The following ATIC variants were observed in gnomAD, a reference collection of about 807,000 sequenced individuals.
ATIC encodes 5-aminoimidazole-4-carboxamide ribonucleotide formyltransferase/IMP cyclohydrolase.
ATIC carries 64 observed loss-of-function variants against 72.5 expected under a neutral mutation model. The observed-to-expected ratio is 0.88, with a 90% CI of 0.72 to 1.09. ATIC has a LOEUF of 1.09. Among genes scored for constraint, ATIC ranks in the 50% least tolerant of loss-of-function variants. ATIC has a pLI of 0.00. For synonymous variants in ATIC, 281 were observed against 267.1 expected (o/e 1.05, Z -0.51); for missense variants, 787 against 732.4 (o/e 1.07, Z -0.86).
chr2:215,335,994 T>C (rs993524730), intron 10 of ATIC, 41 bp from the exon 11 acceptor site: 6 of 1,491,280 alleles, frequency 4.0e-6, no homozygotes, highest in Non-Finnish European at 5.6e-6. Flanking sequence ...AGGTGTTCTC[T>C]GATTTTTAAA....
chr2:215,348,416 G>T (rs916850550), intron 14 of ATIC, among the ~76,000 whole-genome samples: 3 of 152,090 alleles, frequency 2.0e-5, no homozygotes, highest in African/African-American at 7.2e-5. Flanking sequence ...TAGTCTAATA[G>T]ACATAAAGTA....
chr2:215,361,856 GA>G, the ATIC span: 1 of 1,370,536 alleles, frequency 7.3e-7, no homozygotes, highest in Non-Finnish European at 1.0e-6. Flanking sequence ...AGTCATTTAT[GA>G]GTTGTTTTTT....
chr2:215,338,580 C>T (rs1302269170), intron 11 of ATIC, among the ~76,000 whole-genome samples, 199 bp from the exon 12 acceptor site: 1 of 151,990 alleles, frequency 6.6e-6, no homozygotes, highest in Non-Finnish European at 1.5e-5. Context: ...TGTATCATAC[C>T]AGAATGTTGA....
chr2:215,327,262 T>G (rs2106009225), intron 7 of ATIC, among the ~76,000 whole-genome samples: 1 of 152,272 alleles, frequency 6.6e-6, no homozygotes, highest in Admixed American at 6.5e-5. Flanking sequence ...CTGGATTTTA[T>G]AGAGAAGAGG....
chr2:215,348,695 G>A (rs955450232), intron 14 of ATIC: 1 of 419,098 alleles, frequency 2.4e-6, no homozygotes, highest in East Asian at 8.6e-5. Flanking sequence ...GGGCGCGGTG[G>A]CTCATGCCTA....
chr2:215,344,806 A>T lies in ATIC; in HGVS notation c.1255A>T (p.Ile419Phe), dbSNP rs775268262. 2 of 1,614,148 alleles carry T rather than the reference A, an allele frequency of 1.2e-6. No individual in the cohort carries two copies. Among genetic ancestry groups the T allele is most frequent in the Non-Finnish European group, 1.7e-6 (2 of 1,180,030 alleles). Residue 419 changes from isoleucine to phenylalanine, a missense_variant, in exon 13 of 16, where the codon ATC becomes TTC. By Grantham distance (21) the Ile-to-Phe change is conservative. Transcript: ENST00000236959. ...DLPESALRDL[I>F]VATIAVKYTQ... ...GCCAGAGTCTGCCCTCCGAGACCTCATCGTAGCCACCATTGCTGTCAAGTA... is the reference window on the plus strand; with the variant it reads ...GCCAGAGTCTGCCCTCCGAGACCTCTTCGTAGCCACCATTGCTGTCAAGTA...
chr2:215,334,684 A>G (rs1023156479), intron 9 of ATIC, among the ~76,000 whole-genome samples: 1 of 152,220 alleles, frequency 6.6e-6, no homozygotes, highest in African/African-American at 2.4e-5. Flanking sequence ...AATATAGTAT[A>G]TATAAATTGG....
the ATIC span, chr2:215,368,023 G>A: frequency 1.9e-5 from 30 of 1,614,104 alleles, no homozygotes; most frequent in African/African-American, 1.2e-4. Flanking sequence ...TCAAGCCTTC[G>A]TTGACTATGA....
chr2:215,313,172 G>C lies in ATIC; in HGVS notation c.146+548G>C, dbSNP rs185058831. Reference sequence around the variant, plus strand: ...AGGGAAAAGTAGGATTGGAACCCGTGCTGTTCCTGATTTTAGGACACTAGT... The same window carrying C: ...AGGGAAAAGTAGGATTGGAACCCGTCCTGTTCCTGATTTTAGGACACTAGT... On this transcript the variant is annotated intron_variant, in intron 2 of 15. Transcript: ENST00000236959. Among the ~76,000 whole-genome samples, 113 of 152,324 alleles carry C rather than the reference G, an allele frequency of 7.4e-4. 1 individual carries two copies. Among genetic ancestry groups the C allele is most frequent in the African/African-American group, 2.7e-3 (111 of 41,564 alleles).
the ATIC span, among the ~76,000 whole-genome samples, chr2:215,357,895 A>AT: frequency 6.8e-6 from 1 of 146,262 alleles, no homozygotes; most frequent in African/African-American, 2.5e-5. Flanking sequence ...TGAAAATGGG[A>AT]TTTTTTAATT....
chr2:215,318,843 G>A (rs1347391805), intron 3 of ATIC, among the ~76,000 whole-genome samples: 1 of 151,944 alleles, frequency 6.6e-6, no homozygotes, highest in East Asian at 1.9e-4. Flanking sequence ...TCAAGAAACT[G>A]GGATCAAGAA....
At chr2:215,325,052 G>T in intron 4 of ATIC, 189 bp from the exon 5 acceptor site, 1 of 552,434 alleles carries the variant, frequency 1.8e-6, no homozygotes, top group Non-Finnish European at 3.3e-6. Flanking sequence ...ACCTCTGCTC[G>T]ACCCCAGCAG....
At chr2:215,312,299 C>G in intron 1 of ATIC, 138 bp downstream of exon 1, 1 of 1,442,462 alleles carries the variant, frequency 6.9e-7, no homozygotes, top group Non-Finnish European at 9.2e-7. Context: ...GCTCCCCGGC[C>G]GGGCCGCAGC....
chr2:215,367,465 G>A, the ATIC span, among the ~76,000 whole-genome samples: 1 of 152,140 alleles, frequency 6.6e-6, no homozygotes, highest in African/African-American at 2.4e-5. Context: ...GGCTGTTTTT[G>A]AGTCTAAATG....
chr2:215,324,990 C>T (rs540255973), intron 4 of ATIC, among the ~76,000 whole-genome samples: 2 of 152,024 alleles, frequency 1.3e-5, no homozygotes, highest in Admixed American at 6.6e-5. Context: ...TGCAGTGTGA[C>T]GTGGAGGGAG....
chr2:215,349,555 C>T lies in ATIC; in HGVS notation c.1679C>T (p.Ala560Val), dbSNP rs372018177. 5.8e-5 allele frequency: 93 copies of T among 1,614,082 alleles called. No homozygotes were observed. The African/African-American group carries it at 8.8e-4, about 15-fold the overall frequency. ...RAKRSGVAYI[A>V]APSGSAADKV... Reference sequence around the variant, plus strand: ...CCCCAGAGTGGTGTGGCGTACATTGCGGCTCCCTCCGGTTCTGCTGCTGAC... The same window carrying T: ...CCCCAGAGTGGTGTGGCGTACATTGTGGCTCCCTCCGGTTCTGCTGCTGAC... Residue 560 changes from alanine to valine, a missense_variant, in exon 16 of 16, where the codon GCG (alanine) becomes GTG (valine). Ala to Val is a moderately conservative substitution (Grantham distance 64). Coordinates refer to ENST00000236959, the MANE Select transcript of ATIC (RefSeq NM_004044.7).
At chr2:215,350,222 C>T (rs775770717), downstream of ATIC, among the ~76,000 whole-genome samples, 13 of 152,106 alleles carry the variant, frequency 8.5e-5, no homozygotes, top group Non-Finnish European at 1.8e-4. Context: ...CTGCAACCTC[C>T]GCCTCCCGGG....
chr2:215,355,383 A>G, the ATIC span, among the ~76,000 whole-genome samples: 1 of 152,174 alleles, frequency 6.6e-6, no homozygotes, highest in Non-Finnish European at 1.5e-5. Flanking sequence ...AAGATCCATA[A>G]TGTAACAACG....
At chr2:215,342,927 C>T (rs550625615) in intron 12 of ATIC, among the ~76,000 whole-genome samples, 3 of 152,334 alleles carry the variant, frequency 2.0e-5, no homozygotes, top group Non-Finnish European at 4.4e-5. Flanking sequence ...GATCTACCCG[C>T]CTGGGATTAC....
Sources: allele counts gnomAD v4.1 joint callset (sites outside exome capture counted in the v4.1 genomes callset), GRCh38; gene constraint gnomAD v4.1.1; transcripts MANE v1.5; gene names NCBI Gene and HGNC (gene_info 2026-07-23, HGNC 2026-07-21).